Variants in MMADHC observed in about 807,000 individuals in gnomAD.
MMADHC encodes cobalamin trafficking protein CblD.
MMADHC carries 23 observed loss-of-function variants against 36.3 expected under a neutral mutation model. The observed-to-expected ratio is 0.63, with a 90% CI of 0.46 to 0.90. The LOEUF (loss-of-function observed/expected upper bound fraction) is 0.90, where lower values mean the gene tolerates loss of function less well. Among genes scored for constraint, MMADHC ranks in the 40% least tolerant of loss-of-function variants. MMADHC has a pLI of 0.00. For missense variants in MMADHC, 330 were observed against 348.0 expected, an observed-to-expected ratio of 0.95 and a Z score of 0.41; for synonymous variants, 97 against 116.1, an observed-to-expected ratio of 0.84 and a Z score of 1.06.
chr2:149,571,007 A>G (rs1447211730), intron 7 of MMADHC, 78 bp downstream of exon 7: 1 of 1,194,496 alleles, frequency 8.4e-7, no homozygotes, highest in East Asian at 2.4e-5. Context: ...TTAATCTATT[A>G]CCAAAGTTAT....
chr2:149,574,033 A>G (rs1370679622), intron 6 of MMADHC, among the ~76,000 whole-genome samples: 17 of 152,190 alleles, frequency 1.1e-4, no homozygotes, highest in Admixed American at 1.1e-3. Context: ...TTTAAAAAAA[A>G]AAATCTTTTT....
rs1466011161 is a variant in MMADHC, at chr2:149,576,329, G to C, written c.478+108C>G. The C allele has an allele frequency of 1.9e-5, 15 of 803,072 alleles. No individual in the cohort carries two copies. The Admixed American group carries it at 2.7e-4, about 14-fold the overall frequency. 49.7% of individuals were successfully genotyped at this position (803,072 alleles called of 1,614,324 possible). Reference sequence around the variant, plus strand: ...CATGCAATCATTTCCAGCCAGATACGGTAAAATATAATATTAAGGTATACA... The same window carrying C: ...CATGCAATCATTTCCAGCCAGATACCGTAAAATATAATATTAAGGTATACA... On this transcript the variant is annotated intron_variant, in intron 5 of 7. Transcript: ENST00000303319.
intron 7 of MMADHC, 150 bp from the exon 8 acceptor site, chr2:149,570,318 T>G (rs1682621012): frequency 1.5e-6 from 1 of 683,050 alleles, no homozygotes; most frequent in Admixed American, 2.6e-5. Context: ...TAAACCGCCT[T>G]AATATCCCTT....
rs1191801558 is a variant in MMADHC at position 149,570,306 on chromosome 2, C to T, written c.697-138G>A. 4.2e-6 allele frequency: 3 copies of T among 718,302 alleles called. No homozygotes were observed. The East Asian group carries it at 8.1e-5, about 19-fold the overall frequency. The allele number at this position is 718,302 out of a possible 1,614,324, so 44.5% of individuals were successfully genotyped here. On this transcript the variant is annotated intron_variant, in intron 7 of 7. Transcript: ENST00000303319. ...AATAAGTAAAAAGTCACATGCAACACTTAAACCGCCTTAATATCCCTTTCC... is the reference window on the plus strand; with the variant it reads ...AATAAGTAAAAAGTCACATGCAACATTTAAACCGCCTTAATATCCCTTTCC...
intron 6 of MMADHC, among the ~76,000 whole-genome samples, chr2:149,573,888 T>C (rs114628672): frequency 0.073 from 11,125 of 152,148 alleles, 510 homozygotes; most frequent in South Asian, 0.13. Flanking sequence ...AAAAACCAGC[T>C]GAAGTATTTT....
intron 6 of MMADHC, among the ~76,000 whole-genome samples, chr2:149,574,886 G>A (rs955867050): frequency 5.3e-5 from 8 of 152,086 alleles, no homozygotes; most frequent in East Asian, 1.9e-4. Flanking sequence ...CTACAGCCTC[G>A]ACCTCTCAGG....
intron 4 of MMADHC, 78 bp downstream of exon 4, chr2:149,579,351 CAA>C (rs1282477701): frequency 4.6e-6 from 6 of 1,318,520 alleles, no homozygotes; most frequent in Non-Finnish European, 6.4e-6. Flanking sequence ...ACTTTTTCAA[CAA>C]AAGTAATATG....
intron 2 of MMADHC, among the ~76,000 whole-genome samples, chr2:149,586,215 T>G (rs1272051282): frequency 2.6e-5 from 4 of 152,224 alleles, no homozygotes. Context: ...ATTTAAAGAA[T>G]GAAGTCTAAA....
At chr2:149,578,026 A>C (rs1296251117) in intron 4 of MMADHC, among the ~76,000 whole-genome samples, 1 of 151,854 alleles carries the variant, frequency 6.6e-6, no homozygotes, top group Non-Finnish European at 1.5e-5. Context: ...CAAAACAAAC[A>C]AACCAAACAA....
intron 6 of MMADHC, among the ~76,000 whole-genome samples, chr2:149,572,951 A>T (rs182326841): frequency 6.6e-6 from 1 of 152,290 alleles, no homozygotes; most frequent in East Asian, 1.9e-4. Context: ...CCAAGGGCCA[A>T]ATCTGATCCG....
chr2:149,572,683 T>C (rs75099034), intron 6 of MMADHC, among the ~76,000 whole-genome samples: 4,957 of 152,020 alleles, frequency 0.033, 272 homozygotes, highest in African/African-American at 0.11. Flanking sequence ...AGGAGATACA[T>C]AAAATGGGCT....
At chr2:149,570,993 A>C (rs887448843) in intron 7 of MMADHC, 92 bp downstream of exon 7, 6 of 1,074,936 alleles carry the variant, frequency 5.6e-6, no homozygotes, top group Non-Finnish European at 8.4e-6. Flanking sequence ...ATTTTTAAAA[A>C]GTCTTAATCT....
At chr2:149,578,328 T>C (rs1385161583) in intron 4 of MMADHC, among the ~76,000 whole-genome samples, 1 of 152,186 alleles carries the variant, frequency 6.6e-6, no homozygotes, top group Non-Finnish European at 1.5e-5. Context: ...ATAAGTTTTA[T>C]CTTACGAGAG....
chr2:149,576,933 G>C (rs1386499371), intron 4 of MMADHC, among the ~76,000 whole-genome samples: 1 of 151,980 alleles, frequency 6.6e-6, no homozygotes, highest in African/African-American at 2.4e-5. Flanking sequence ...TAACTTACAA[G>C]ATACATGACT....
chr2:149,577,437 T>C (rs1573877618), intron 4 of MMADHC, among the ~76,000 whole-genome samples: 1 of 152,130 alleles, frequency 6.6e-6, no homozygotes. Flanking sequence ...GTGGGAAAGG[T>C]AAGGGATCAA....
chr2:149,572,073 T>G (rs1385034601), intron 6 of MMADHC, among the ~76,000 whole-genome samples: 2 of 152,158 alleles, frequency 1.3e-5, no homozygotes, highest in African/African-American at 4.8e-5. Flanking sequence ...TGTGCATATA[T>G]AAAAATTTTG....
intron 6 of MMADHC, among the ~76,000 whole-genome samples, 194 bp from the exon 7 acceptor site, chr2:149,571,365 A>C (rs750166408): frequency 6.6e-6 from 1 of 152,208 alleles, no homozygotes; most frequent in Non-Finnish European, 1.5e-5. Flanking sequence ...TGGTTAACAC[A>C]ACACTTTATT....
At chr2:149,584,163 G>A (rs1682831036) in intron 2 of MMADHC, among the ~76,000 whole-genome samples, 1 of 152,004 alleles carries the variant, frequency 6.6e-6, no homozygotes, top group South Asian at 2.1e-4. Context: ...TTACAACTAA[G>A]GATATTTAAG....
intron 4 of MMADHC, among the ~76,000 whole-genome samples, chr2:149,577,525 T>C (rs768948743): frequency 2.0e-5 from 3 of 152,062 alleles, no homozygotes; most frequent in Non-Finnish European, 4.4e-5. Context: ...CAATATCAAA[T>C]ACAAAAATTA....
Sources: gnomAD v4.1 joint callset for allele counts (sites outside exome capture counted in the v4.1 genomes callset) on GRCh38, gnomAD v4.1.1 for gene constraint, MANE v1.5 for transcripts, NCBI Gene and HGNC (gene_info 2026-07-23, HGNC 2026-07-21) for gene names.